APBB2: variants seen among roughly 807,000 people sequenced by gnomAD.
APBB2 encodes the protein Fe65-like 1.
APBB2 carries 38 observed loss-of-function variants against 82.5 expected under a neutral mutation model. That is an observed-to-expected ratio of 0.46 (90% confidence interval 0.36 to 0.60). The LOEUF is 0.60. APBB2 is among the 20% of genes least tolerant of loss of function. The pLI is 0.00. For synonymous variants in APBB2, 341 were observed against 368.2 expected, an observed-to-expected ratio of 0.93 and a Z score of 0.85; for missense variants, 772 against 972.3, an observed-to-expected ratio of 0.79 and a Z score of 2.74.
chr4:40,993,632 C>T lies in APBB2; in HGVS notation c.835+19951G>A, dbSNP rs560022404. On this transcript the variant is annotated intron_variant, in intron 6 of 17. Transcript: ENST00000508593. ...CAAACTCCTGGCCTCAAGCAATCCT[C>T]CTGCCTCAACCTCCCAAAGTGCTGG... Among the ~76,000 whole-genome samples the T allele has an allele frequency of 2.6e-5, 4 of 152,160 alleles. No individual in the cohort carries two copies. The South Asian group carries it at 8.3e-4, about 32-fold the overall frequency.
At chr4:41,102,552 G>A (rs1416177942) in intron 2 of APBB2, among the ~76,000 whole-genome samples, 1 of 152,186 alleles carries the variant, frequency 6.6e-6, no homozygotes, top group African/African-American at 2.4e-5. Flanking sequence ...GGTTATCGCA[G>A]AAGGCTGCAC....
chr4:41,042,552 T>C (rs1365276892), intron 4 of APBB2, among the ~76,000 whole-genome samples: 1 of 152,188 alleles, frequency 6.6e-6, no homozygotes, highest in Non-Finnish European at 1.5e-5. Context: ...AAGCTCAGAA[T>C]GTATGGACCC....
At chr4:40,829,397 C>A (rs771571325) in intron 13 of APBB2, among the ~76,000 whole-genome samples, 1 of 152,124 alleles carries the variant, frequency 6.6e-6, no homozygotes, top group Non-Finnish European at 1.5e-5. Context: ...GGGAGGAAGT[C>A]AGGGGCAAGA....
chr4:40,935,298 C>T, intron 7 of APBB2, 159 bp from the exon 8 acceptor site: 1 of 596,564 alleles, frequency 1.7e-6, no homozygotes, highest in South Asian at 2.2e-5. Flanking sequence ...TGGCTCACTC[C>T]CTCTATGTCT....
intron 6 of APBB2, among the ~76,000 whole-genome samples, chr4:40,955,048 A>G (rs1482445376): frequency 1.3e-5 from 2 of 152,214 alleles, no homozygotes; most frequent in Admixed American, 1.3e-4. Context: ...CCACTTACTC[A>G]TTCTTCTGTA....
intron 2 of APBB2, among the ~76,000 whole-genome samples, chr4:41,128,873 C>A (rs1387037827): frequency 6.6e-6 from 1 of 152,156 alleles, no homozygotes; most frequent in African/African-American, 2.4e-5. Flanking sequence ...CCTTCACATC[C>A]CTCCTGAGAT....
intron 2 of APBB2, among the ~76,000 whole-genome samples, chr4:41,121,242 T>A (rs1254110864): frequency 6.6e-6 from 1 of 152,222 alleles, no homozygotes; most frequent in Non-Finnish European, 1.5e-5. Context: ...AAAAATAAAA[T>A]GTTTAACTCT....
At chr4:40,992,688 A>G (rs1416425854) in intron 6 of APBB2, among the ~76,000 whole-genome samples, 1 of 152,160 alleles carries the variant, frequency 6.6e-6, no homozygotes, top group Non-Finnish European at 1.5e-5. Flanking sequence ...CGCGGGAAGT[A>G]TGAAGCCAGC....
chr4:41,170,895 T>C (rs373536264), intron 1 of APBB2, among the ~76,000 whole-genome samples: 1 of 152,300 alleles, frequency 6.6e-6, no homozygotes, highest in South Asian at 2.1e-4. Context: ...TTGAAAACTA[T>C]AAAGAAGTTA....
Position 40,921,545 on chromosome 4 carries a change from T to C in APBB2, c.1254+12911A>G, listed in dbSNP as rs1026772610. On this transcript the variant is annotated intron_variant, in intron 10 of 17. Transcript: ENST00000508593. Reference sequence around the variant, plus strand: ...CGACACTGGATGCCCATTCATTCCATTGTTTCTAGCTCTCAACCAAAACAC... The same window carrying C: ...CGACACTGGATGCCCATTCATTCCACTGTTTCTAGCTCTCAACCAAAACAC... Among the ~76,000 whole-genome samples, 5 of 152,332 alleles carry C rather than the reference T, an allele frequency of 3.3e-5. No homozygotes were observed. In the East Asian group the frequency reaches 7.7e-4, roughly 23 times the overall value.
rs1184792484 is a variant in APBB2 at position 41,163,400 on chromosome 4, T to C, written c.-416-20258A>G. Among the ~76,000 whole-genome samples, 4 of 152,322 alleles carry C rather than the reference T, an allele frequency of 2.6e-5. No homozygotes were observed. The East Asian group carries it at 7.7e-4, about 29-fold the overall frequency. On this transcript the variant is annotated intron_variant, in intron 1 of 17. Coordinates refer to ENST00000508593, the MANE Select transcript of APBB2 (RefSeq NM_004307.2). Reference sequence around the variant, plus strand: ...TAATCCACCTGATGGGTCCCTGCACTAGGTCAACAAGAATGACCAAAGAAA... The same window carrying C: ...TAATCCACCTGATGGGTCCCTGCACCAGGTCAACAAGAATGACCAAAGAAA...
chr4:41,124,441 G>A (rs1264981510), intron 2 of APBB2, among the ~76,000 whole-genome samples: 3 of 151,936 alleles, frequency 2.0e-5, no homozygotes, highest in Non-Finnish European at 2.9e-5. Context: ...ATCTCTTGAC[G>A]TCGTGATCCG....
At chr4:41,099,044 CAAT>C (rs1744481180) in intron 3 of APBB2, among the ~76,000 whole-genome samples, 1 of 151,840 alleles carries the variant, frequency 6.6e-6, no homozygotes, top group South Asian at 2.1e-4. Flanking sequence ...ATTCCACTGA[CAAT>C]AATATTTCAC....
intron 6 of APBB2, among the ~76,000 whole-genome samples, chr4:40,972,647 C>G (rs62410359): frequency 6.6e-6 from 1 of 152,140 alleles, no homozygotes; most frequent in Non-Finnish European, 1.5e-5. Context: ...TAGAAGTAAA[C>G]AGAGGCAACC....
At chr4:40,921,013 G>A (rs749044048) in intron 10 of APBB2, among the ~76,000 whole-genome samples, 6 of 152,180 alleles carry the variant, frequency 3.9e-5, no homozygotes, top group Non-Finnish European at 7.3e-5. Context: ...GTGGAACAGT[G>A]ATCAAGCCAC....
Position 40,894,235 on chromosome 4 carries a change from C to A in APBB2, c.1255-824G>T, listed in dbSNP as rs192068151. On this transcript the variant is annotated intron_variant, in intron 10 of 17. Transcript: ENST00000508593. The stretch of plus-strand genomic sequence containing the variant: ...CCCGGAAGGCAGAGCTTGCAGTGAG[C>A]CGAGATCGCGCCACTGCACTCCAGC... Among the ~76,000 whole-genome samples, 187 of 151,956 alleles carry A rather than the reference C, an allele frequency of 1.2e-3. 1 individual carries two copies. Among genetic ancestry groups the A allele is most frequent in the African/African-American group, 4.3e-3 (177 of 41,396 alleles).
chr4:40,998,234 T>G (rs190007493), intron 6 of APBB2, among the ~76,000 whole-genome samples: 1 of 152,246 alleles, frequency 6.6e-6, no homozygotes, highest in Non-Finnish European at 1.5e-5. Context: ...GATTCACAGA[T>G]GTAATATTTT....
At chr4:41,133,133 T>C (rs13136932) in intron 2 of APBB2, among the ~76,000 whole-genome samples, 12,603 of 152,240 alleles carry the variant, frequency 0.083, 555 homozygotes, top group Middle Eastern at 0.14. Context: ...TCATTTTTTA[T>C]ATATATGTAC....
chr4:41,035,086 C>G (rs1464956913), intron 4 of APBB2, among the ~76,000 whole-genome samples: 3 of 152,164 alleles, frequency 2.0e-5, no homozygotes. Flanking sequence ...GGAAATTCAT[C>G]AGGCTGTGCT....
Sources: allele counts gnomAD v4.1 joint callset (sites outside exome capture counted in the v4.1 genomes callset), GRCh38; gene constraint gnomAD v4.1.1; transcripts MANE v1.5; gene names NCBI Gene and HGNC (gene_info 2026-07-23, HGNC 2026-07-21).